Variants in TTC13 observed in about 807,000 individuals in gnomAD.
TTC13 encodes the protein tetratricopeptide repeat protein 13.
Under a neutral mutation model 120.0 loss-of-function variants are expected in TTC13, and 62 were observed. The observed-to-expected ratio is 0.52, with a 90% CI of 0.42 to 0.64. The LOEUF (loss-of-function observed/expected upper bound fraction) is 0.64, where lower values mean the gene tolerates loss of function less well. Ranked by LOEUF, TTC13 falls within the 30% of genes least tolerant of loss-of-function variation. The pLI, the probability that TTC13 is intolerant of heterozygous loss-of-function variation, is 0.00. For missense variants in TTC13, 824 were observed against 1,050.2 expected, an observed-to-expected ratio of 0.78 and a Z score of 2.98; for synonymous variants, 384 against 393.5, an observed-to-expected ratio of 0.98 and a Z score of 0.28.
At chr1:230,946,702 T>A (rs569852680) in intron 4 of TTC13, among the ~76,000 whole-genome samples, 78 of 152,300 alleles carry the variant, frequency 5.1e-4, no homozygotes, top group African/African-American at 1.8e-3. Context: ...GCACTGGCTG[T>A]CTCTATAGAT....
Position 230,906,790 on chromosome 1 carries a change from A to G in TTC13, c.*115T>C, listed in dbSNP as rs1670971761. On this transcript the variant is annotated 3_prime_UTR_variant, in exon 23 of 23. Coordinates refer to ENST00000366661, the MANE Select transcript of TTC13 (RefSeq NM_024525.5). ...ATGATTTCAAGTATTCAATTCCTATAAAAATTGGTATCAAAAGTAATAGAG... is the reference window on the plus strand; with the variant it reads ...ATGATTTCAAGTATTCAATTCCTATGAAAATTGGTATCAAAAGTAATAGAG... 1 of 432,764 alleles carries G rather than the reference A, an allele frequency of 2.3e-6. No individual in the cohort carries two copies. Among genetic ancestry groups the G allele is most frequent in the East Asian group, 3.7e-5 (1 of 27,250 alleles). 26.8% of individuals were successfully genotyped at this position (432,764 alleles called of 1,614,324 possible).
rs576550373 is a variant in TTC13 at position 230,929,114 on chromosome 1, C to T, written c.1301-21G>A. 4 of 1,610,066 alleles carry T rather than the reference C, an allele frequency of 2.5e-6. No homozygotes were observed. The African/African-American group carries it at 5.3e-5, about 22-fold the overall frequency. ...ATACTCTGCAGAAAGGAAATGAGAT[C>T]TGACACATCCAAATACTGCTAAAGA... On this transcript the variant is annotated intron_variant, in intron 11 of 22. Coordinates refer to ENST00000366661, the MANE Select transcript of TTC13 (RefSeq NM_024525.5).
intron 1 of TTC13, among the ~76,000 whole-genome samples, chr1:230,967,551 A>G (rs1677246257): frequency 6.6e-6 from 1 of 152,168 alleles, no homozygotes; most frequent in African/African-American, 2.4e-5. Context: ...CCATCTGTGT[A>G]CTTCTAAAAC....
intron 1 of TTC13, among the ~76,000 whole-genome samples, chr1:230,976,718 A>T (rs1054445819): frequency 3.9e-5 from 6 of 152,234 alleles, no homozygotes; most frequent in Non-Finnish European, 5.9e-5. Context: ...AAACATCTAA[A>T]TAAATTATGT....
In TTC13 at chr1:230,912,701, T is replaced by A. The variant is rs1416406122; in HGVS notation, c.2151A>T (p.Leu717Phe). ...ETQTTEERTQ[L>F]YHAEIDALYK... is the part of the protein sequence containing the mutation. Reference sequence around the variant, plus strand: ...AAAGTGCATCTATTTCAGCATGATATAATTGTGTCCTTTCTTCCGTGGTTT... The same window carrying A: ...AAAGTGCATCTATTTCAGCATGATAAAATTGTGTCCTTTCTTCCGTGGTTT... Residue 717 changes from leucine (L) to phenylalanine (F), a missense_variant, in exon 19 of 23, where the codon TTA becomes TTT. Physicochemically the swap from Leu to Phe is conservative, Grantham distance 22. Transcript: ENST00000366661. The A allele has an allele frequency of 6.2e-7, 1 of 1,612,780 alleles. No individual in the cohort carries two copies. The highest frequency in any genetic ancestry group is 8.5e-7 in the Non-Finnish European group (1 of 1,179,484).
chr1:230,967,811 C>G (rs1419481227), intron 1 of TTC13, among the ~76,000 whole-genome samples: 2 of 152,168 alleles, frequency 1.3e-5, no homozygotes, highest in Non-Finnish European at 2.9e-5. Flanking sequence ...TAAATAATTA[C>G]AGCCCAACCA....
At chr1:230,925,446 G>T in intron 13 of TTC13, 71 bp downstream of exon 13, 1 of 1,528,408 alleles carries the variant, frequency 6.5e-7, no homozygotes, top group Non-Finnish European at 9.0e-7. Context: ...TTATTAAAAT[G>T]CACAACATGG....
chr1:230,943,156 A>G (rs927038312), intron 6 of TTC13, among the ~76,000 whole-genome samples: 2 of 152,146 alleles, frequency 1.3e-5, no homozygotes, highest in Non-Finnish European at 1.5e-5. Flanking sequence ...AGTAAATATT[A>G]TGTGTTATAT....
At chr1:230,921,014 C>T (rs548876490) in intron 16 of TTC13, among the ~76,000 whole-genome samples, 11 of 152,194 alleles carry the variant, frequency 7.2e-5, no homozygotes, top group Non-Finnish European at 1.5e-4. Context: ...GTTTTTCCAC[C>T]GATTTTATAT....
chr1:230,940,596 A>T lies in TTC13; in HGVS notation c.673-40T>A. ...CATGTAATCAGGAAGAATACCAATG[A>T]CCAACCCTAAAATCCCAATGTTTTT... On this transcript the variant is annotated intron_variant, in intron 6 of 22. Transcript: ENST00000366661. The surrounding 1 kb of genome is among the most constrained non-coding windows in gnomAD (Gnocchi z 4.1). 7.6e-7 allele frequency: 1 copy of T among 1,322,946 alleles called. No homozygotes were observed. The highest frequency in any genetic ancestry group is 1.1e-6 in the Non-Finnish European group (1 of 919,714). The allele number at this position is 1,322,946 out of a possible 1,614,324, so 82.0% of individuals were successfully genotyped here.
In TTC13 at chr1:230,939,500, CA is replaced by C. The variant is rs752673937; in HGVS notation, c.790-5del. 45 of 1,582,608 alleles carry C rather than the reference CA, an allele frequency of 2.8e-5. No homozygotes were observed. The East Asian group carries it at 4.7e-4, about 17-fold the overall frequency. On this transcript the variant is annotated splice_polypyrimidine_tract_variant and splice_region_variant and intron_variant, in intron 7 of 22. Transcript: ENST00000366661. ...CTTCATGGGCTGTTGCATAGTCCTA[CA>C]AAAAGGAGAGTGGGGGGAAAAATAA... is the stretch of plus-strand genomic sequence containing the variant.
At chr1:230,939,817 T>C (rs1248545388) in intron 7 of TTC13, among the ~76,000 whole-genome samples, 1 of 152,244 alleles carries the variant, frequency 6.6e-6, no homozygotes, top group Non-Finnish European at 1.5e-5. Flanking sequence ...CATTTTATCA[T>C]ACTGGATATT....
chr1:230,964,221 C>G lies in TTC13; in HGVS notation c.272-2918G>C. ...GGATGTCCCTACTTTTTTCTTAATA[C>G]GAACAGTATTTCAGTAAGTATTCTT... On this transcript the variant is annotated intron_variant, in intron 1 of 22. Transcript: ENST00000366661. Among the ~76,000 whole-genome samples, 4 of 152,214 alleles carry G rather than the reference C, an allele frequency of 2.6e-5. No individual in the cohort carries two copies. In the South Asian group the frequency reaches 8.3e-4, roughly 32 times the overall value.
At chr1:230,943,243 T>G (rs904974715) in intron 6 of TTC13, among the ~76,000 whole-genome samples, 5 of 152,186 alleles carry the variant, frequency 3.3e-5, no homozygotes, top group African/African-American at 1.2e-4. Context: ...TTTTGTGTTT[T>G]TTTTTAAATT....
At chr1:230,965,898 G>A (rs113840305) in intron 1 of TTC13, among the ~76,000 whole-genome samples, 169 of 152,172 alleles carry the variant, frequency 1.1e-3, no homozygotes, top group African/African-American at 3.7e-3. Context: ...CAATCCTCTC[G>A]CCTCAACCTC....
At chr1:230,936,576 T>C (rs190170363) in intron 8 of TTC13, 103 of 199,050 alleles carry the variant, frequency 5.2e-4, no homozygotes, top group African/African-American at 2.3e-3. Flanking sequence ...AGAAAAGTTT[T>C]TGTTGTTTCC....
intron 1 of TTC13, among the ~76,000 whole-genome samples, chr1:230,969,966 A>C (rs1677554612): frequency 6.6e-6 from 1 of 152,218 alleles, no homozygotes; most frequent in African/African-American, 2.4e-5. Context: ...TACCTTCATA[A>C]ACCTCATTTC....
chr1:230,908,435 C>CCACCTCA, intron 22 of TTC13: 1 of 506,154 alleles, frequency 2.0e-6, no homozygotes, highest in South Asian at 1.7e-5. Context: ...AATGATCCTT[C>CCACCTCA]CACCTCAGCC....
rs1247197326 is a variant in TTC13, at chr1:230,940,468, T to C, written c.761A>G (p.His254Arg). 6 of 1,613,162 alleles carry C rather than the reference T, an allele frequency of 3.7e-6. No individual in the cohort carries two copies. Among genetic ancestry groups the C allele is most frequent in the Admixed American group, 1.7e-5 (1 of 60,008 alleles). ...QLQPSARLYRHRGTLYFISED... is the reference protein window; with the variant it reads ...QLQPSARLYRRRGTLYFISED... ...TGATATGAAGTACAGGGTTCCCCGA[T>C]GTCTGTACAGCCGTGCTGAGGGCTG... Residue 254 changes from histidine (H) to arginine (R), a missense_variant, in exon 7 of 23, where the codon CAT becomes CGT. Physicochemically the swap from His to Arg is conservative, Grantham distance 29. Transcript: ENST00000366661. This position sits in a 1 kb window ranked among gnomAD's most constrained non-coding sequence, Gnocchi z 4.1.
Sources: allele counts gnomAD v4.1 joint callset (sites outside exome capture counted in the v4.1 genomes callset), GRCh38; gene constraint gnomAD v4.1.1; non-coding constraint Gnocchi (gnomAD v3.1); transcripts MANE v1.5; gene names NCBI Gene and HGNC (gene_info 2026-07-23, HGNC 2026-07-21).